Variants in LIPC observed in about 807,000 individuals in gnomAD.
LIPC encodes lipase C, hepatic type.
LIPC carries 44 observed loss-of-function variants against 50.7 expected under a neutral mutation model. The observed-to-expected ratio is 0.87, with a 90% CI of 0.68 to 1.11. LIPC has a LOEUF of 1.11. LIPC is among the 50% of genes most tolerant of loss of function. LIPC has a pLI of 0.00. For missense variants in LIPC, 697 were observed against 648.2 expected (o/e 1.08, Z -0.82); for synonymous variants, 271 against 256.4 (o/e 1.06, Z -0.54).
At chr15:58,437,601 G>T (rs151168219) in intron 1 of LIPC, among the ~76,000 whole-genome samples, 1 of 151,932 alleles carries the variant, frequency 6.6e-6, no homozygotes, top group Non-Finnish European at 1.5e-5. Context: ...GACGACCCCC[G>T]GGAAAGGGAT....
chr15:58,548,054 T>C (rs1893599868), intron 5 of LIPC, among the ~76,000 whole-genome samples: 1 of 152,172 alleles, frequency 6.6e-6, no homozygotes, highest in African/African-American at 2.4e-5. Context: ...CCTATTAAAA[T>C]GCCTACTGTA....
chr15:58,516,977 T>A (rs1191213651), intron 1 of LIPC, among the ~76,000 whole-genome samples: 1 of 152,234 alleles, frequency 6.6e-6, no homozygotes, highest in Non-Finnish European at 1.5e-5. Context: ...TGGGGTGCAG[T>A]TAAATTACTT....
intron 7 of LIPC, among the ~76,000 whole-genome samples, chr15:58,561,581 A>T (rs1341188432): frequency 2.6e-5 from 4 of 152,234 alleles, no homozygotes; most frequent in Non-Finnish European, 4.4e-5. Context: ...GATCAGTGAA[A>T]AGATCTGGAT....
Position 58,564,744 on chromosome 15 carries a change from T to G in LIPC, c.1388+1021T>G, listed in dbSNP as rs1464246995. Among the ~76,000 whole-genome samples, 3 of 151,672 alleles carry G rather than the reference T, an allele frequency of 2.0e-5. No individual in the cohort carries two copies. In the South Asian group the frequency reaches 6.3e-4, roughly 32 times the overall value. On this transcript the variant is annotated intron_variant, in intron 8 of 8. Transcript: ENST00000299022. ...ACTCCGTCTCAAAAAATAATAATAA[T>G]AATAGAAAAGAAAAGGAAGGATGCT...
At chr15:58,550,621 G>A (rs1893715590) in intron 6 of LIPC, among the ~76,000 whole-genome samples, 1 of 152,042 alleles carries the variant, frequency 6.6e-6, no homozygotes, top group Non-Finnish European at 1.5e-5. Flanking sequence ...GGGGCTCGGT[G>A]GAGACTAACC....
intron 6 of LIPC, among the ~76,000 whole-genome samples, chr15:58,555,310 C>CCCT (rs1893899457): frequency 1.3e-5 from 2 of 152,096 alleles, no homozygotes; most frequent in South Asian, 4.1e-4. Context: ...GACAGGAGAG[C>CCCT]GTCCTTTGTG....
intron 4 of LIPC, among the ~76,000 whole-genome samples, chr15:58,543,204 C>A (rs1349419118): frequency 6.6e-6 from 1 of 152,172 alleles, no homozygotes; most frequent in East Asian, 1.9e-4. Flanking sequence ...AGGCCTTCCT[C>A]CCAGGCTTCC....
At chr15:58,441,112 C>CA (rs1463483804) in intron 1 of LIPC, among the ~76,000 whole-genome samples, 1 of 152,196 alleles carries the variant, frequency 6.6e-6, no homozygotes, top group Non-Finnish European at 1.5e-5. Context: ...TCCCAGCAGG[C>CA]AAGGGCAGGG....
chr15:58,452,716 G>A (rs1362722920), intron 1 of LIPC, among the ~76,000 whole-genome samples: 5 of 152,108 alleles, frequency 3.3e-5, no homozygotes, highest in African/African-American at 1.2e-4. Flanking sequence ...GGAGCACCGT[G>A]GGGTAGGGTG....
At chr15:58,543,490 C>T (rs1425304147) in intron 4 of LIPC, among the ~76,000 whole-genome samples, 1 of 152,182 alleles carries the variant, frequency 6.6e-6, no homozygotes, top group African/African-American at 2.4e-5. Context: ...TTTGCATGCA[C>T]TGTTTGCTTT....
intron 1 of LIPC, among the ~76,000 whole-genome samples, chr15:58,467,589 C>G (rs115464321): frequency 1.8e-4 from 28 of 152,224 alleles, no homozygotes; most frequent in African/African-American, 6.5e-4. Flanking sequence ...CTGTTAAAGA[C>G]CCTCCTGGCC....
intron 6 of LIPC, among the ~76,000 whole-genome samples, chr15:58,556,038 G>C (rs1340878251): frequency 1.3e-5 from 2 of 152,180 alleles, no homozygotes; most frequent in Non-Finnish European, 2.9e-5. Context: ...GAGTGGATGA[G>C]GACAGCAGGG....
At chr15:58,522,907 G>A (rs1469353505) in intron 1 of LIPC, 1 of 152,278 alleles carries the variant, frequency 6.6e-6, no homozygotes, top group South Asian at 2.1e-4. Flanking sequence ...TCCCAGAGAT[G>A]CCCGTGGCAC....
chr15:58,520,365 G>T (rs946008658), intron 1 of LIPC, among the ~76,000 whole-genome samples: 1 of 152,006 alleles, frequency 6.6e-6, no homozygotes, highest in Non-Finnish European at 1.5e-5. Context: ...CTTGGCCTTG[G>T]GATGCTAGAG....
chr15:58,519,261 A>T (rs1892578099), intron 1 of LIPC, among the ~76,000 whole-genome samples: 1 of 151,958 alleles, frequency 6.6e-6, no homozygotes, highest in African/African-American at 2.4e-5. Flanking sequence ...ACAAAAAAAA[A>T]TTAGCCGAGC....
chr15:58,474,250 G>T (rs1452988249), intron 1 of LIPC, among the ~76,000 whole-genome samples: 2 of 152,156 alleles, frequency 1.3e-5, no homozygotes, highest in African/African-American at 4.8e-5. Context: ...GGCCACTGTG[G>T]CTCATGCCTG....
chr15:58,449,185 C>G (rs572410), intron 1 of LIPC, among the ~76,000 whole-genome samples: 93,148 of 152,072 alleles, frequency 0.61, 30,573 homozygotes, highest in Non-Finnish European at 0.76. Context: ...GAGCACCCCA[C>G]GCTCAGCTGC....
At position 58,489,223 on chromosome 15, in the gene LIPC, CG is replaced by C. The variant is rs1169740711; in HGVS notation, c.89-49103del. Among the ~76,000 whole-genome samples, 35 of 67,286 alleles carry C rather than the reference CG, an allele frequency of 5.2e-4. 8 individuals carry two copies. Among genetic ancestry groups the C allele is most frequent in the Admixed American group, 3.7e-3 (21 of 5,714 alleles). The allele number at this position is 67,286 out of a possible 152,430, so 44.1% of individuals were successfully genotyped here. ...TTAGGGATTCATTTTGTTGCGGGGG[CG>C]GGGGGGCGGCTTACAAGCTTCCCAG... is the stretch of plus-strand genomic sequence containing the variant. On this transcript the variant is annotated intron_variant, in intron 1 of 8. Coordinates refer to ENST00000299022, the MANE Select transcript of LIPC (RefSeq NM_000236.3).
Position 58,517,000 on chromosome 15 carries a change from AC to A in LIPC, c.89-21330del, listed in dbSNP as rs1230725271. ...AGTTAAATTACTTGGAAATAGTTTG[AC>A]CCTTTTGAGACTTGCTTTAAAACTT... On this transcript the variant is annotated intron_variant, in intron 1 of 8. Coordinates refer to ENST00000299022, the MANE Select transcript of LIPC (RefSeq NM_000236.3). Among the ~76,000 whole-genome samples the A allele has an allele frequency of 7.9e-5, 12 of 152,264 alleles. No homozygotes were observed. In the East Asian group the frequency reaches 2.3e-3, roughly 29 times the overall value.
Sources: allele counts gnomAD v4.1 joint callset (sites outside exome capture counted in the v4.1 genomes callset), GRCh38; gene constraint gnomAD v4.1.1; transcripts MANE v1.5; gene names NCBI Gene and HGNC (gene_info 2026-07-23, HGNC 2026-07-21).